ZMIZ1: variants seen among roughly 807,000 people sequenced by gnomAD.
ZMIZ1 encodes the protein zinc finger MIZ domain-containing protein 1.
Under a neutral mutation model 113.9 loss-of-function variants are expected in ZMIZ1, and 17 were observed. That is an observed-to-expected ratio of 0.15 (90% CI 0.10 to 0.22). The LOEUF is 0.22. Ranked by LOEUF, ZMIZ1 falls within the 10% of genes least tolerant of loss-of-function variation. The pLI is 1.00. For synonymous variants in ZMIZ1, 607 were observed against 603.1 expected, an observed-to-expected ratio of 1.01 and a Z score of -0.09; for missense variants, 1,059 against 1,477.8, an observed-to-expected ratio of 0.72 and a Z score of 4.65.
At position 79,159,765 on chromosome 10, in the gene ZMIZ1, G is replaced by A. The variant is rs559265599; in HGVS notation, c.-130-2288G>A. On this transcript the variant is annotated intron_variant, in intron 3 of 24. Coordinates refer to ENST00000334512, the MANE Select transcript of ZMIZ1 (RefSeq NM_020338.4). The stretch of plus-strand genomic sequence containing the variant: ...ATGCAGGCTCACTGTCCCCCAACCA[G>A]AGCCTGAGTTCAAATTCTAGCACCC... Among the ~76,000 whole-genome samples the A allele has an allele frequency of 3.3e-4, 50 of 152,278 alleles. No individual in the cohort carries two copies. The South Asian group carries it at 9.3e-3, about 28-fold the overall frequency.
At chr10:79,143,079 A>G (rs1589329252) in intron 3 of ZMIZ1, among the ~76,000 whole-genome samples, 2 of 152,112 alleles carry the variant, frequency 1.3e-5, no homozygotes, top group East Asian at 3.9e-4. Flanking sequence ...TCTCTTTCTC[A>G]GCCTCTACTG....
chr10:79,235,312 T>C (rs147416765), intron 7 of ZMIZ1, among the ~76,000 whole-genome samples: 1,811 of 152,318 alleles, frequency 0.012, 33 homozygotes, highest in Admixed American at 0.037. Flanking sequence ...GCAGGAAGGC[T>C]GCACCGGGTG....
Position 79,310,862 on chromosome 10 carries a change from G to A in ZMIZ1, c.2836-62G>A. ...GTTGTGTTGGGTTTCATTTTCTCCA[G>A]GCATCATCGCCGTGCCTCCTCACCT... On this transcript the variant is annotated intron_variant, in intron 23 of 24. Transcript: ENST00000334512. 2.6e-6 allele frequency: 4 copies of A among 1,538,436 alleles called. No individual in the cohort carries two copies. The Admixed American group carries it at 7.5e-5, about 29-fold the overall frequency.
In ZMIZ1 at chr10:79,314,064, T is replaced by TA; in HGVS notation, c.*1316dup. On this transcript the variant is annotated 3_prime_UTR_variant, in exon 25 of 25. Coordinates refer to ENST00000334512, the MANE Select transcript of ZMIZ1 (RefSeq NM_020338.4). ...CAGACACTGCCCTTGGCTGCCAGCC[T>TA]ACCCTGCCTGCACTCCTCCACCATC... is the stretch of plus-strand genomic sequence containing the variant. The TA allele has an allele frequency of 2.2e-6, 1 of 456,940 alleles. No individual in the cohort carries two copies. The allele number at this position is 456,940 out of a possible 1,614,324, so 28.3% of individuals were successfully genotyped here.
At chr10:79,237,657 G>T (rs1424064481) in intron 7 of ZMIZ1, among the ~76,000 whole-genome samples, 3 of 152,192 alleles carry the variant, frequency 2.0e-5, no homozygotes, top group Non-Finnish European at 4.4e-5. Context: ...AGTTCTGATG[G>T]ATTAGGGCCC....
intron 13 of ZMIZ1, chr10:79,297,016 ATTG>A: frequency 1.0e-5 from 2 of 193,860 alleles, no homozygotes; most frequent in Non-Finnish European, 2.1e-5. Flanking sequence ...ATGTTATAAA[ATTG>A]TTATTACAGC....
At chr10:79,202,189 GAAAAAA>G (rs58021590) in intron 5 of ZMIZ1, among the ~76,000 whole-genome samples, 2 of 52,636 alleles carry the variant, frequency 3.8e-5, no homozygotes, top group South Asian at 9.3e-4. Context: ...CCCTGTCTCA[GAAAAAA>G]AAAAAAAAAA....
At chr10:79,154,383 C>T (rs1845822050) in intron 3 of ZMIZ1, among the ~76,000 whole-genome samples, 1 of 152,138 alleles carries the variant, frequency 6.6e-6, no homozygotes, top group Admixed American at 6.5e-5. Context: ...GGATGGGGTG[C>T]CCTCTAGGGC....
intron 4 of ZMIZ1, among the ~76,000 whole-genome samples, chr10:79,181,341 G>C (rs1048250144): frequency 3.9e-5 from 6 of 152,246 alleles, no homozygotes; most frequent in African/African-American, 1.4e-4. Context: ...GAGGCTGGAG[G>C]TGAGCGGCTG....
At chr10:79,109,997 G>T (rs1382937305) in intron 1 of ZMIZ1, among the ~76,000 whole-genome samples, 1 of 152,266 alleles carries the variant, frequency 6.6e-6, no homozygotes, top group African/African-American at 2.4e-5. Flanking sequence ...AGGCTGCAGG[G>T]TGGTACCCAT....
Position 79,311,142 on chromosome 10 carries a change from C to G in ZMIZ1, c.3054C>G (p.Ala1018=). The G allele has an allele frequency of 6.2e-7, 1 of 1,613,682 alleles. No homozygotes were observed. Among genetic ancestry groups the G allele is most frequent in the Non-Finnish European group, 8.5e-7 (1 of 1,180,012 alleles). The change falls in exon 24 of 25, where the codon GCC becomes GCG. Residue 1018 remains alanine, a synonymous_variant. Coordinates refer to ENST00000334512, the MANE Select transcript of ZMIZ1 (RefSeq NM_020338.4). ...CCTCCTCAGCCTTAGAGGGTCAGGC[C>G]GGAGCGCAGGGAGCGTCCGACATGC... ...FNPSSALEGQ[A]GAQGASDMPE...
chr10:79,299,046 C>G lies in ZMIZ1; in HGVS notation c.1667-4C>G. On this transcript the variant is annotated splice_polypyrimidine_tract_variant and splice_region_variant and intron_variant, in intron 15 of 24. Transcript: ENST00000334512. ...GGCTCACCCACCTCCTCTCCTCGCC[C>G]CAGCCAACCACAATGACGAGCTGCG... 3.1e-6 allele frequency: 5 copies of G among 1,606,056 alleles called. No individual in the cohort carries two copies. In the South Asian group the frequency reaches 3.3e-5, roughly 11 times the overall value.
intron 5 of ZMIZ1, among the ~76,000 whole-genome samples, chr10:79,205,801 C>G (rs1589422286): frequency 6.6e-6 from 1 of 152,124 alleles, no homozygotes; most frequent in South Asian, 2.1e-4. Context: ...GGGGAGGGGG[C>G]TTGACCAAGG....
intron 7 of ZMIZ1, among the ~76,000 whole-genome samples, chr10:79,231,899 A>G (rs1335382385): frequency 6.6e-6 from 1 of 152,164 alleles, no homozygotes; most frequent in African/African-American, 2.4e-5. Context: ...TTTTAATGCT[A>G]TTGACCACTC....
In ZMIZ1 at chr10:79,169,789, AC is replaced by A. The variant is rs560575486; in HGVS notation, c.-50+7659del. ...CCTCATCTGTAAAGGGGTGCAGTGC[AC>A]CCACCTGGCAGGATAAAATGCAGCA... On this transcript the variant is annotated intron_variant, in intron 4 of 24. Coordinates refer to ENST00000334512, the MANE Select transcript of ZMIZ1 (RefSeq NM_020338.4). Among the ~76,000 whole-genome samples, 21 of 152,330 alleles carry A rather than the reference AC, an allele frequency of 1.4e-4. No individual in the cohort carries two copies. In the South Asian group the frequency reaches 4.3e-3, roughly 32 times the overall value.
At chr10:79,247,727 T>C (rs1233303917) in intron 7 of ZMIZ1, among the ~76,000 whole-genome samples, 4 of 152,190 alleles carry the variant, frequency 2.6e-5, no homozygotes, top group Non-Finnish European at 5.9e-5. Flanking sequence ...GCCAGGACAC[T>C]CACATTTTCT....
chr10:79,190,103 C>G (rs1847536142), intron 4 of ZMIZ1, among the ~76,000 whole-genome samples: 1 of 152,244 alleles, frequency 6.6e-6, no homozygotes, highest in Non-Finnish European at 1.5e-5. Context: ...TGCCCAGGGC[C>G]TCTGCAGGGA....
chr10:79,156,776 G>A (rs554062405), intron 3 of ZMIZ1, among the ~76,000 whole-genome samples: 89 of 152,276 alleles, frequency 5.8e-4, no homozygotes, highest in Non-Finnish European at 1.1e-3. Context: ...AGCTTCCTAG[G>A]TCCTCATTCA....
intron 1 of ZMIZ1, among the ~76,000 whole-genome samples, chr10:79,106,468 CTTTA>C (rs1408809047): frequency 6.6e-6 from 1 of 152,190 alleles, no homozygotes; most frequent in African/African-American, 2.4e-5. Context: ...GTACACAGGC[CTTTA>C]TTTGTGACTC....
Sources: allele counts gnomAD v4.1 joint callset (sites outside exome capture counted in the v4.1 genomes callset), GRCh38; gene constraint gnomAD v4.1.1; transcripts MANE v1.5; gene names NCBI Gene and HGNC (gene_info 2026-07-23, HGNC 2026-07-21).